The following ERMP1 variants were observed in gnomAD, a reference collection of about 807,000 sequenced individuals.
ERMP1 encodes the protein Felix-ina.
In ERMP1, 86 loss-of-function variants were observed where a neutral mutation model predicts 92.0. The ratio of observed to expected loss-of-function variants is 0.93; its 90% CI spans 0.79 to 1.12. The LOEUF is 1.12. Among genes scored for constraint, ERMP1 ranks in the 50% most tolerant of loss-of-function variants. The probability of loss-of-function intolerance (pLI) is 0.00; values close to 1 mark genes in which losing one functional copy is unlikely to be tolerated. For missense variants in ERMP1, 1,342 were observed against 1,116.3 expected (o/e 1.20, Z -2.88); for synonymous variants, 530 against 412.8 (o/e 1.28, Z -3.44).
At chr9:5,811,456 A>G (rs565413033) in intron 6 of ERMP1, 133 bp from the exon 7 acceptor site, 3 of 688,056 alleles carry the variant, frequency 4.4e-6, no homozygotes, top group African/African-American at 1.8e-5. Flanking sequence ...AGAAATGGTT[A>G]GAAAGAATGT....
chr9:5,849,401 A>C (rs1830279271), intron 6 of ERMP1, among the ~76,000 whole-genome samples: 2 of 152,162 alleles, frequency 1.3e-5, no homozygotes, highest in Admixed American at 1.3e-4. Flanking sequence ...TTTACAGATG[A>C]GCAACCTGGT....
Position 5,811,164 on chromosome 9 carries a change from A to G in ERMP1, c.1274T>C (p.Val425Ala). Residue 425 changes from valine (V) to alanine (A), a missense_variant, in exon 7 of 15, where the codon GTA becomes GCA. Coordinates refer to ENST00000339450, the MANE Select transcript of ERMP1 (RefSeq NM_024896.3). ...RIGSIINYMV[V>A]MGVVLYLGKK... ...GCCCAGGTACAAAACAACACCCATT[A>G]CCACCATGTAGTTTATGATTGAGCC... The G allele has an allele frequency of 6.2e-7, 1 of 1,614,058 alleles. No individual in the cohort carries two copies. The highest frequency in any genetic ancestry group is 8.5e-7 in the Non-Finnish European group (1 of 1,179,966).
chr9:5,810,150 A>T lies in ERMP1; in HGVS notation c.1409T>A (p.Ile470Asn), dbSNP rs762033614. The T allele has an allele frequency of 6.2e-7, 1 of 1,613,998 alleles. No homozygotes were observed. The highest frequency in any genetic ancestry group is 1.3e-5 in the African/African-American group (1 of 74,930). ...AATAAGAGAGATGAACACTGCTATA[A>T]TGAGAACGGTAACAAGGCTAGTGAA... is the stretch of plus-strand genomic sequence containing the variant. ...SWFTSLVTVLIIAVFISLIGQ... is the reference protein window; with the variant it reads ...SWFTSLVTVLNIAVFISLIGQ... Residue 470 changes from isoleucine (I) to asparagine (N), a missense_variant, in exon 8 of 15, where the codon ATT becomes AAT. Ile to Asn is a moderately radical substitution (Grantham distance 149, BLOSUM62 -3). Transcript: ENST00000339450.
At position 5,785,422 on chromosome 9, in the gene ERMP1, A is replaced by G. The variant is rs960535321; in HGVS notation, c.*1722T>C. On this transcript the variant is annotated 3_prime_UTR_variant, in exon 15 of 15. Coordinates refer to ENST00000339450, the MANE Select transcript of ERMP1 (RefSeq NM_024896.3). ...AAACCTTATGTGCTACCTGACAGAT[A>G]AAAGTAGCAGGAGCCAGACTCTTGA... 1.3e-5 allele frequency: 2 copies of G among 152,248 alleles called. No homozygotes were observed. Among genetic ancestry groups the G allele is most frequent in the African/African-American group, 4.8e-5 (2 of 41,460 alleles). The allele number at this position is 152,248 out of a possible 1,614,324, so 9.4% of individuals were successfully genotyped here.
chr9:5,859,897 A>G (rs1830438213), intron 5 of ERMP1, among the ~76,000 whole-genome samples: 2 of 152,210 alleles, frequency 1.3e-5, no homozygotes, highest in Non-Finnish European at 2.9e-5. Context: ...ACAGCCTTAG[A>G]TATACTTTGA....
chr9:5,830,598 C>CTTTCCA, intron 2 of ERMP1, 129 bp downstream of exon 2: 1 of 644,484 alleles, frequency 1.6e-6, no homozygotes, highest in Non-Finnish European at 2.7e-6. Flanking sequence ...AATTATCCTG[C>CTTTCCA]TTTCCATCAC....
chr9:5,862,236 T>C (rs1425906440), intron 5 of ERMP1, among the ~76,000 whole-genome samples: 1 of 151,698 alleles, frequency 6.6e-6, no homozygotes, highest in African/African-American at 2.4e-5. Flanking sequence ...CCCCCTATGT[T>C]GTCCAGGCTG....
intron 2 of ERMP1, among the ~76,000 whole-genome samples, chr9:5,829,456 C>T (rs1487431562): frequency 3.3e-5 from 5 of 151,994 alleles, no homozygotes; most frequent in Admixed American, 1.3e-4. Context: ...GCTATAAGTT[C>T]GAGTAATCCA....
intron 2 of ERMP1, among the ~76,000 whole-genome samples, chr9:5,825,438 T>C (rs940419526): frequency 6.6e-6 from 1 of 152,182 alleles, no homozygotes; most frequent in African/African-American, 2.4e-5. Context: ...TCTCAATGCC[T>C]ACTACCATGC....
intron 11 of ERMP1, among the ~76,000 whole-genome samples, chr9:5,800,468 G>C (rs1279846483): frequency 6.6e-6 from 1 of 152,154 alleles, no homozygotes; most frequent in Non-Finnish European, 1.5e-5. Flanking sequence ...CTGAGGTCAG[G>C]AATTCAAGAA....
chr9:5,825,279 T>A lies in ERMP1; in HGVS notation c.641-60A>T, dbSNP rs1427221084. On this transcript the variant is annotated intron_variant, in intron 2 of 14. Transcript: ENST00000339450. ...TTTAAAATGTTTACAATATGACCCA[T>A]TAGGACTAGGAATGGAGCTTTCTCC... 6.5e-6 allele frequency: 10 copies of A among 1,527,156 alleles called. No individual in the cohort carries two copies. The South Asian group carries it at 1.3e-4, about 19-fold the overall frequency. 94.6% of individuals were successfully genotyped at this position (1,527,156 alleles called of 1,614,324 possible).
chr9:5,852,325 T>C (rs1830319958), intron 6 of ERMP1, among the ~76,000 whole-genome samples: 1 of 151,832 alleles, frequency 6.6e-6, no homozygotes, highest in Admixed American at 6.6e-5. Flanking sequence ...TGAAATGGCA[T>C]GATCAAGGCT....
At chr9:5,818,668 G>C (rs1201928379) in intron 4 of ERMP1, among the ~76,000 whole-genome samples, 1 of 150,908 alleles carries the variant, frequency 6.6e-6, no homozygotes, top group East Asian at 1.9e-4. Context: ...AGCCATGACT[G>C]CTCCACCACA....
At chr9:5,838,373 C>A (rs1830118218) in intron 6 of ERMP1, among the ~76,000 whole-genome samples, 1 of 151,930 alleles carries the variant, frequency 6.6e-6, no homozygotes, top group Non-Finnish European at 1.5e-5. Flanking sequence ...AAGACCCCAT[C>A]TCTACAAAAA....
At chr9:5,816,173 T>A (rs1280384336) in intron 4 of ERMP1, among the ~76,000 whole-genome samples, 1 of 152,180 alleles carries the variant, frequency 6.6e-6, no homozygotes, top group Non-Finnish European at 1.5e-5. Context: ...TAATTAAGTT[T>A]TCAACTTTAT....
intron 13 of ERMP1, among the ~76,000 whole-genome samples, chr9:5,794,515 G>T (rs1193456966): frequency 6.6e-6 from 1 of 151,372 alleles, no homozygotes; most frequent in Non-Finnish European, 1.5e-5. Flanking sequence ...GCCAGGCAGA[G>T]AAAAAAAGAA....
intron 11 of ERMP1, among the ~76,000 whole-genome samples, chr9:5,800,201 C>T (rs1342785236): frequency 6.6e-6 from 1 of 152,048 alleles, no homozygotes; most frequent in Non-Finnish European, 1.5e-5. Flanking sequence ...TATGTGTTCA[C>T]AAACATGAGA....
At chr9:5,843,770 C>G (rs1033151408) in intron 6 of ERMP1, among the ~76,000 whole-genome samples, 1 of 152,246 alleles carries the variant, frequency 6.6e-6, no homozygotes. Flanking sequence ...ATGGAGTCTT[C>G]TCTCTCATCC....
chr9:5,857,567 C>T (rs930300222), intron 6 of ERMP1, among the ~76,000 whole-genome samples: 1 of 152,276 alleles, frequency 6.6e-6, no homozygotes, highest in Non-Finnish European at 1.5e-5. Flanking sequence ...CACTCTTCTC[C>T]CTACTTATAA....
Sources: allele counts gnomAD v4.1 joint callset (sites outside exome capture counted in the v4.1 genomes callset), GRCh38; gene constraint gnomAD v4.1.1; transcripts MANE v1.5; gene names NCBI Gene and HGNC (gene_info 2026-07-23, HGNC 2026-07-21).